The following ST6GALNAC3 variants were observed in gnomAD, a reference collection of about 807,000 sequenced individuals.
ST6GALNAC3 encodes alpha-N-acetylgalactosaminide alpha-2,6-sialyltransferase 3.
ST6GALNAC3 carries 25 observed loss-of-function variants against 32.7 expected under a neutral mutation model. The observed-to-expected ratio is 0.76, with a 90% CI of 0.56 to 1.07. The LOEUF (loss-of-function observed/expected upper bound fraction) is 1.07, where lower values mean the gene tolerates loss of function less well. Among genes scored for constraint, ST6GALNAC3 ranks in the 50% least tolerant of loss-of-function variants. The probability of loss-of-function intolerance (pLI) is 0.00; values close to 1 mark genes in which losing one functional copy is unlikely to be tolerated. For missense variants in ST6GALNAC3, 355 were observed against 382.4 expected (o/e 0.93, Z 0.60); for synonymous variants, 129 against 133.1 (o/e 0.97, Z 0.21).
chr1:76,191,577 C>T (rs990713177), intron 1 of ST6GALNAC3, among the ~76,000 whole-genome samples: 3 of 152,064 alleles, frequency 2.0e-5, no homozygotes, highest in Non-Finnish European at 4.4e-5. Context: ...GATGGTCATG[C>T]TAAATACCAT....
intron 1 of ST6GALNAC3, among the ~76,000 whole-genome samples, chr1:76,210,757 AT>A (rs965029409): frequency 6.6e-6 from 1 of 151,664 alleles, no homozygotes; most frequent in African/African-American, 2.4e-5. Context: ...CCTCTTATTT[AT>A]TTTTTTGAGA....
At chr1:76,318,747 C>T (rs956624699) in intron 2 of ST6GALNAC3, among the ~76,000 whole-genome samples, 4 of 152,018 alleles carry the variant, frequency 2.6e-5, no homozygotes, top group Non-Finnish European at 4.4e-5. Context: ...AAAACAGAAA[C>T]GTGCTTCACA....
At position 76,630,794 on chromosome 1, in the gene ST6GALNAC3, T is replaced by C; in HGVS notation, c.*1988T>C. ...TCTTTTGTTGTTCCCTTATGCAATTTTTAATTCTATGAATGTTAAGTTTTT... is the reference window on the plus strand; with the variant it reads ...TCTTTTGTTGTTCCCTTATGCAATTCTTAATTCTATGAATGTTAAGTTTTT... On this transcript the variant is annotated 3_prime_UTR_variant, in exon 5 of 5. Coordinates refer to ENST00000328299, the MANE Select transcript of ST6GALNAC3 (RefSeq NM_152996.4). 2.0e-6 allele frequency: 2 copies of C among 985,716 alleles called. No individual in the cohort carries two copies. Among genetic ancestry groups the C allele is most frequent in the Non-Finnish European group, 2.4e-6 (2 of 829,860 alleles). 61.1% of individuals were successfully genotyped at this position (985,716 alleles called of 1,614,324 possible). A position where few individuals can be genotyped will look rare whatever the true frequency, so the allele number is the denominator to read the frequency against.
chr1:76,465,901 T>A (rs970684371), intron 3 of ST6GALNAC3, among the ~76,000 whole-genome samples: 3 of 152,080 alleles, frequency 2.0e-5, no homozygotes, highest in African/African-American at 7.2e-5. Context: ...TTATTTTCTT[T>A]AACAGAATTG....
At chr1:76,277,569 CACACACACATATGTTTATGTG>C (rs1659228020) in intron 1 of ST6GALNAC3, among the ~76,000 whole-genome samples, 2 of 51,618 alleles carry the variant, frequency 3.9e-5, no homozygotes, top group Non-Finnish European at 7.2e-5. Context: ...TATATATATA[CACACACACATATGTTTATGTG>C]TATATATATA....
intron 1 of ST6GALNAC3, among the ~76,000 whole-genome samples, chr1:76,304,994 G>C (rs989828874): frequency 6.6e-6 from 1 of 152,066 alleles, no homozygotes; most frequent in African/African-American, 2.4e-5. Context: ...AAAAGCACCT[G>C]TTCCGATTAC....
At chr1:76,359,769 G>A (rs1649782308) in intron 2 of ST6GALNAC3, among the ~76,000 whole-genome samples, 1 of 152,198 alleles carries the variant, frequency 6.6e-6, no homozygotes, top group Admixed American at 6.5e-5. Context: ...TAATATAAGA[G>A]ATGACAGCAG....
chr1:76,480,961 C>T (rs1659684728), intron 3 of ST6GALNAC3, among the ~76,000 whole-genome samples: 1 of 152,042 alleles, frequency 6.6e-6, no homozygotes, highest in Non-Finnish European at 1.5e-5. Flanking sequence ...TGGCTCATTT[C>T]CACAGTTTGT....
intron 1 of ST6GALNAC3, among the ~76,000 whole-genome samples, chr1:76,270,090 A>G (rs1186705562): frequency 2.6e-5 from 4 of 152,236 alleles, no homozygotes; most frequent in African/African-American, 4.8e-5. Flanking sequence ...TTTCTCTGAC[A>G]TGCTGAGAAA....
chr1:76,145,664 T>G (rs745856865), intron 1 of ST6GALNAC3, among the ~76,000 whole-genome samples: 33 of 152,376 alleles, frequency 2.2e-4, no homozygotes, highest in African/African-American at 7.9e-4. Context: ...TCTGCGTTAA[T>G]GCTGTTGTAA....
chr1:76,361,977 C>CAAAAAAA (rs386367380), intron 2 of ST6GALNAC3, among the ~76,000 whole-genome samples: 2 of 63,190 alleles, frequency 3.2e-5, no homozygotes, highest in African/African-American at 7.3e-5. Context: ...GACTCTGTAT[C>CAAAAAAA]AAAAAAAAAA....
chr1:76,119,223 C>T (rs1648695548), intron 1 of ST6GALNAC3, among the ~76,000 whole-genome samples: 1 of 152,178 alleles, frequency 6.6e-6, no homozygotes, highest in African/African-American at 2.4e-5. Context: ...GATGCTGGGC[C>T]CTTGGGACCT....
At chr1:76,312,919 A>G (rs1011725832) in intron 1 of ST6GALNAC3, among the ~76,000 whole-genome samples, 2 of 152,138 alleles carry the variant, frequency 1.3e-5, no homozygotes, top group East Asian at 3.9e-4. Context: ...GTCAATTAAA[A>G]CACATGCATT....
chr1:76,397,900 G>A (rs1653099136), intron 2 of ST6GALNAC3, among the ~76,000 whole-genome samples: 1 of 151,782 alleles, frequency 6.6e-6, no homozygotes, highest in Admixed American at 6.6e-5. Context: ...GTTTTTCTCT[G>A]GTTGCTGTGT....
At chr1:76,183,311 T>C (rs1430283726) in intron 1 of ST6GALNAC3, among the ~76,000 whole-genome samples, 2 of 152,180 alleles carry the variant, frequency 1.3e-5, no homozygotes, top group African/African-American at 4.8e-5. Context: ...GCAAATGGTC[T>C]ACACCACATG....
Position 76,606,438 on chromosome 1 carries a change from C to G in ST6GALNAC3, c.624-21014C>G, listed in dbSNP as rs145737862. Among the ~76,000 whole-genome samples the G allele has an allele frequency of 8.4e-3, 1,283 of 152,154 alleles. 22 individuals carry two copies. The highest frequency in any genetic ancestry group is 0.03 in the African/African-American group (1,242 of 41,526). On this transcript the variant is annotated intron_variant, in intron 3 of 4. Coordinates refer to ENST00000328299, the MANE Select transcript of ST6GALNAC3 (RefSeq NM_152996.4). ...CAGGGACATGAATGGAGCTGGAAGC[C>G]ATTATCCTCAGCAAACTAATGCAGG...
intron 1 of ST6GALNAC3, among the ~76,000 whole-genome samples, chr1:76,196,350 T>C (rs2100523355): frequency 6.6e-6 from 1 of 152,308 alleles, no homozygotes; most frequent in African/African-American, 2.4e-5. Flanking sequence ...GTGATACTGA[T>C]GCTGCTCCTC....
chr1:76,111,396 C>G (rs897335907), intron 1 of ST6GALNAC3, among the ~76,000 whole-genome samples: 2 of 151,908 alleles, frequency 1.3e-5, no homozygotes, highest in South Asian at 4.2e-4. Context: ...CTAGATCTTC[C>G]AGGGCTGGTC....
chr1:76,597,863 T>C (rs1351994581), intron 3 of ST6GALNAC3, among the ~76,000 whole-genome samples: 1 of 152,170 alleles, frequency 6.6e-6, no homozygotes, highest in Non-Finnish European at 1.5e-5. Flanking sequence ...CTCTTGGCTC[T>C]GTCTGGGATG....
Sources: gnomAD v4.1 joint callset for allele counts (sites outside exome capture counted in the v4.1 genomes callset) on GRCh38, gnomAD v4.1.1 for gene constraint, MANE v1.5 for transcripts, NCBI Gene and HGNC (gene_info 2026-07-23, HGNC 2026-07-21) for gene names.